Variants in TLL2 observed in about 807,000 individuals in gnomAD.
TLL2 encodes tolloid-like protein 2.
A neutral mutation model predicts 123.0 loss-of-function variants in TLL2; 106 were observed. The observed-to-expected ratio is 0.86, with a 90% confidence interval of 0.74 to 1.01. The LOEUF is 1.01. Ranked by LOEUF, TLL2 falls within the 50% of genes least tolerant of loss-of-function variation. The probability of loss-of-function intolerance (pLI) is 0.00; values close to 1 mark genes in which losing one functional copy is unlikely to be tolerated. For missense variants in TLL2, 1,332 were observed against 1,336.7 expected (o/e 1.00, Z 0.06); for synonymous variants, 494 against 516.8 (o/e 0.96, Z 0.60).
intron 1 of TLL2, among the ~76,000 whole-genome samples, chr10:96,505,980 G>A (rs1755037350): frequency 6.6e-6 from 1 of 151,988 alleles, no homozygotes; most frequent in South Asian, 2.1e-4. Context: ...GAGGCTGGGC[G>A]CGGTGGCTTG....
rs112834785 is a variant in TLL2 at position 96,410,549 on chromosome 10, C to T, written c.1049-75G>A. On this transcript the variant is annotated intron_variant, in intron 8 of 20. Coordinates refer to ENST00000357947, the MANE Select transcript of TLL2 (RefSeq NM_012465.4). ...CCCAAGCAGCTCCCGCACGGGGCAG[C>T]GGAGCAAACATACCCCTTTGCCAGC... 2.2e-5 allele frequency: 26 copies of T among 1,171,420 alleles called. 1 individual carries two copies. The highest frequency in any genetic ancestry group is 7.5e-5 in the African/African-American group (5 of 66,444). 72.6% of individuals were successfully genotyped at this position (1,171,420 alleles called of 1,614,324 possible). A position where few individuals can be genotyped will look rare whatever the true frequency, so the allele number is the denominator to read the frequency against.
At chr10:96,442,952 C>T (rs181979645) in intron 3 of TLL2, among the ~76,000 whole-genome samples, 1 of 152,226 alleles carries the variant, frequency 6.6e-6, no homozygotes, top group African/African-American at 2.4e-5. Context: ...TTTCTAATTC[C>T]CTCTAAACCT....
chr10:96,430,339 C>T (rs566762269), intron 4 of TLL2, among the ~76,000 whole-genome samples: 41 of 152,330 alleles, frequency 2.7e-4, no homozygotes, highest in Admixed American at 3.9e-4. Flanking sequence ...TGTTGCCTTC[C>T]GCCATGATTG....
chr10:96,486,070 A>G (rs10786295), intron 1 of TLL2, among the ~76,000 whole-genome samples: 132,167 of 152,228 alleles, frequency 0.87, 57,397 homozygotes, highest in Middle Eastern at 0.96. Context: ...CTGTGCTCAC[A>G]TGTTCCTGAA....
chr10:96,468,765 G>C (rs968361241), intron 2 of TLL2, among the ~76,000 whole-genome samples: 1 of 152,168 alleles, frequency 6.6e-6, no homozygotes, highest in African/African-American at 2.4e-5. Flanking sequence ...GCACCCCACC[G>C]TGGCCCCAGG....
intron 1 of TLL2, among the ~76,000 whole-genome samples, chr10:96,507,399 A>G (rs1169526770): frequency 2.0e-5 from 3 of 152,072 alleles, no homozygotes; most frequent in Non-Finnish European, 2.9e-5. Flanking sequence ...ACTACTTTTG[A>G]GACTCTGTTT....
In TLL2 at chr10:96,405,320, G is replaced by A. The variant is rs563023485; in HGVS notation, c.1179C>T (p.Phe393=). The part of the protein sequence containing the change: ...VTPGEKIVLN[F]TSMDLFKSRL... Reference sequence around the variant, plus strand: ...GGCTTTTAAACAAATCCATGGATGTGAAGTTTAATACGATCTGTAAAGAAT... The same window carrying A: ...GGCTTTTAAACAAATCCATGGATGTAAAGTTTAATACGATCTGTAAAGAAT... Residue 393 remains phenylalanine (F), a synonymous_variant, in exon 10 of 21, where the codon TTC becomes TTT. Coordinates refer to ENST00000357947, the MANE Select transcript of TLL2 (RefSeq NM_012465.4). The A allele has an allele frequency of 9.3e-6, 15 of 1,614,170 alleles. No individual in the cohort carries two copies. The African/African-American group carries it at 1.6e-4, about 17-fold the overall frequency.
chr10:96,498,404 G>T (rs1847500058), intron 1 of TLL2, among the ~76,000 whole-genome samples: 1 of 152,182 alleles, frequency 6.6e-6, no homozygotes. Flanking sequence ...TAGAAGATTT[G>T]ACTCAAAGAT....
chr10:96,402,935 C>G (rs940609469), intron 10 of TLL2, among the ~76,000 whole-genome samples: 1 of 152,156 alleles, frequency 6.6e-6, no homozygotes, highest in African/African-American at 2.4e-5. Flanking sequence ...TCCATCTTGG[C>G]CAACCACCCG....
chr10:96,494,306 C>T (rs997855327), intron 1 of TLL2, among the ~76,000 whole-genome samples: 5 of 152,318 alleles, frequency 3.3e-5, no homozygotes, highest in Middle Eastern at 3.4e-3. Context: ...AGAGGGAGAC[C>T]CCTCCACTCC....
In TLL2 at chr10:96,428,594, T is replaced by G. The variant is rs117535574; in HGVS notation, c.638+37A>C. Reference sequence around the variant, plus strand: ...ATTCAACACTCATGAGCCATCCGACTGATTCTGCAGAGGTGGCCTCGCTTT... The same window carrying G: ...ATTCAACACTCATGAGCCATCCGACGGATTCTGCAGAGGTGGCCTCGCTTT... On this transcript the variant is annotated intron_variant, in intron 5 of 20. Coordinates refer to ENST00000357947, the MANE Select transcript of TLL2 (RefSeq NM_012465.4). The G allele has an allele frequency of 1.5e-3, 2,023 of 1,365,372 alleles. 1 individual carries two copies. The highest frequency in any genetic ancestry group is 1.8e-3 in the Non-Finnish European group (1,686 of 957,300). The allele number at this position is 1,365,372 out of a possible 1,614,324, so 84.6% of individuals were successfully genotyped here.
In TLL2 at chr10:96,405,297, CT is replaced by C; in HGVS notation, c.1201del (p.Ser401AlafsTer68). 6.2e-7 allele frequency: 1 copy of C among 1,614,126 alleles called. No individual in the cohort carries two copies. ...CACGTAATCATACCAGCACAGTCGGCTTTTAAACAAATCCATGGATGTGAAG... is the reference window on the plus strand; with the variant it reads ...CACGTAATCATACCAGCACAGTCGGCTTTAAACAAATCCATGGATGTGAAG... ...LNFTSMDLFK[S>X]RLCWYDYVEV... On this transcript the variant is annotated frameshift_variant, in exon 10 of 21. Coordinates refer to ENST00000357947, the MANE Select transcript of TLL2 (RefSeq NM_012465.4). LOFTEE classifies it high-confidence loss of function.
chr10:96,405,730 G>A (rs769702297), intron 9 of TLL2, among the ~76,000 whole-genome samples: 12 of 152,196 alleles, frequency 7.9e-5, no homozygotes, highest in South Asian at 6.2e-4. Context: ...ATTCCAAAGG[G>A]TCTGGGGTTA....
At chr10:96,410,593 T>C in intron 8 of TLL2, 119 bp from the exon 9 acceptor site, 1 of 785,702 alleles carries the variant, frequency 1.3e-6, no homozygotes, top group Non-Finnish European at 2.2e-6. Context: ...TCGGAACAGG[T>C]TGGTGAGAAG....
chr10:96,503,995 G>A (rs961163428), intron 1 of TLL2, among the ~76,000 whole-genome samples: 4 of 152,200 alleles, frequency 2.6e-5, no homozygotes, highest in African/African-American at 9.7e-5. Context: ...AGGGATTAGA[G>A]GTCTCAATGT....
intron 2 of TLL2, among the ~76,000 whole-genome samples, chr10:96,470,124 C>T (rs1319960828): frequency 2.0e-5 from 3 of 152,176 alleles, no homozygotes; most frequent in Admixed American, 6.5e-5. Flanking sequence ...ACAAAGGGCC[C>T]TGTAAAGAGA....
chr10:96,480,250 T>C (rs1847298770), intron 2 of TLL2, 99 bp downstream of exon 2: 2 of 973,610 alleles, frequency 2.1e-6, no homozygotes, highest in Non-Finnish European at 3.2e-6. Context: ...GGCATTAGAC[T>C]AGCAAGTCAA....
At chr10:96,483,616 G>T (rs1383585247) in intron 1 of TLL2, among the ~76,000 whole-genome samples, 1 of 152,184 alleles carries the variant, frequency 6.6e-6, no homozygotes, top group Non-Finnish European at 1.5e-5. Context: ...TTAGTATAGA[G>T]ATGATCACAA....
At chr10:96,506,426 G>C (rs1200951255) in intron 1 of TLL2, among the ~76,000 whole-genome samples, 1 of 151,834 alleles carries the variant, frequency 6.6e-6, no homozygotes. Context: ...AGTCCAGGCT[G>C]GGGAGTGCCC....
Sources: allele counts gnomAD v4.1 joint callset (sites outside exome capture counted in the v4.1 genomes callset), GRCh38; gene constraint gnomAD v4.1.1; transcripts MANE v1.5; gene names NCBI Gene and HGNC (gene_info 2026-07-23, HGNC 2026-07-21).